LIG3: variants seen among roughly 807,000 people sequenced by gnomAD.
LIG3 encodes ligase II, DNA, ATP-dependent.
A neutral mutation model predicts 110.9 loss-of-function variants in LIG3; 58 were observed. The observed-to-expected ratio is 0.52, with a 90% CI of 0.42 to 0.65. The LOEUF is 0.65. Among genes scored for constraint, LIG3 ranks in the 30% least tolerant of loss-of-function variants. LIG3 has a pLI of 0.00. For missense variants in LIG3, 1,094 were observed against 1,273.8 expected (o/e 0.86, Z 2.15); for synonymous variants, 422 against 472.8 (o/e 0.89, Z 1.39).
intron 16 of LIG3, among the ~76,000 whole-genome samples, chr17:35,000,919 T>G (rs1006285124): frequency 6.6e-6 from 1 of 151,558 alleles, no homozygotes; most frequent in Admixed American, 6.6e-5. Flanking sequence ...TGGCCAATAC[T>G]TGCTTCTCCC....
At chr17:34,996,711 G>T (rs995975230) in intron 11 of LIG3, 58 bp downstream of exon 11, 84 of 1,433,674 alleles carry the variant, frequency 5.9e-5, no homozygotes, top group Non-Finnish European at 6.9e-6. Flanking sequence ...TTCATTTCCT[G>T]GGTGAGGAAG....
chr17:34,999,465 G>C lies in LIG3; in HGVS notation c.2256+16G>C. ...GATCAGCAAGGTGAGGAAGGGACCT[G>C]GTTGGCCATGGCCTCTGGACTGGCC... is the stretch of plus-strand genomic sequence containing the variant. On this transcript the variant is annotated intron_variant, in intron 15 of 19. Transcript: ENST00000378526. The C allele has an allele frequency of 6.2e-7, 1 of 1,612,144 alleles. No individual in the cohort carries two copies. Among genetic ancestry groups the C allele is most frequent in the South Asian group, 1.1e-5 (1 of 90,746 alleles).
At chr17:34,996,282 G>C in intron 10 of LIG3, 87 bp downstream of exon 10, 1 of 1,419,448 alleles carries the variant, frequency 7.0e-7, no homozygotes, top group Non-Finnish European at 9.7e-7. Context: ...GAAAAGGGAG[G>C]AAATATCCCT....
chr17:34,998,885 C>A, intron 14 of LIG3, 158 bp downstream of exon 14: 2 of 784,420 alleles, frequency 2.5e-6, no homozygotes, highest in Non-Finnish European at 3.9e-6. Context: ...TCACCTCAGG[C>A]AGAGCTGCTT....
rs776731503 is a variant in LIG3 at position 34,983,522 on chromosome 17, G to A, written c.517G>A (p.Glu173Lys). Residue 173 changes from glutamate to lysine, a missense_variant, in exon 2 of 20, where the codon GAG becomes AAG. Glu to Lys is a moderately conservative substitution (Grantham distance 56). Transcript: ENST00000378526. Reference protein sequence around the residue: ...LEGWEELEDNEKEQITQHIAD... With the variant: ...LEGWEELEDNKKEQITQHIAD... ...AGGCTGGGAAGAGCTGGAAGATAAT[G>A]AGAAGGAACAGATAACCCAGCACAT... The A allele has an allele frequency of 6.2e-7, 1 of 1,613,736 alleles. No individual in the cohort carries two copies. Among genetic ancestry groups the A allele is most frequent in the Non-Finnish European group, 8.5e-7 (1 of 1,179,914 alleles).
chr17:34,990,455 T>C (rs1301745862), intron 4 of LIG3, among the ~76,000 whole-genome samples: 1 of 152,232 alleles, frequency 6.6e-6, no homozygotes, highest in Non-Finnish European at 1.5e-5. Flanking sequence ...AATTTTTGTA[T>C]TTTTTGTAGA....
chr17:34,999,239 G>A (rs998303644), intron 14 of LIG3, 68 bp from the exon 15 acceptor site: 1 of 1,545,484 alleles, frequency 6.5e-7, no homozygotes. Flanking sequence ...CCTCTCCCTG[G>A]CCCTGGGCTC....
At position 35,007,628 on chromosome 17, in the gene LIG3, C is replaced by A. The variant is rs1354592345; in HGVS notation, c.*3122C>A. Reference sequence around the variant, plus strand: ...CAGATGGACACATAATCTTGTTCTCCCAGGGGCTGCATTCTCAGTAGTCTT... The same window carrying A: ...CAGATGGACACATAATCTTGTTCTCACAGGGGCTGCATTCTCAGTAGTCTT... On this transcript the variant is annotated 3_prime_UTR_variant, in exon 20 of 20. Coordinates refer to ENST00000378526, the MANE Select transcript of LIG3 (RefSeq NM_013975.4). 6.6e-6 allele frequency: 1 copy of A among 152,274 alleles called. No homozygotes were observed. The highest frequency in any genetic ancestry group is 1.5e-5 in the Non-Finnish European group (1 of 68,114). The allele number at this position is 152,274 out of a possible 1,614,324, so 9.4% of individuals were successfully genotyped here.
chr17:34,997,630 A>G (rs1050447773), intron 11 of LIG3, 108 bp from the exon 12 acceptor site: 8 of 808,966 alleles, frequency 9.9e-6, no homozygotes, highest in African/African-American at 1.7e-5. Flanking sequence ...ATCCATGGCA[A>G]ACCCTTTCTT....
chr17:34,995,165 G>T (rs558111222), intron 9 of LIG3, among the ~76,000 whole-genome samples: 1 of 152,290 alleles, frequency 6.6e-6, no homozygotes, highest in African/African-American at 2.4e-5. Context: ...GCCTCAGGGG[G>T]TTCAGGGGAA....
At chr17:34,988,873 ATCTTTAAGGCT>A (rs759291496) in intron 3 of LIG3, among the ~76,000 whole-genome samples, 15 of 152,172 alleles carry the variant, frequency 9.9e-5, no homozygotes, top group Non-Finnish European at 2.1e-4. Flanking sequence ...GAACTAGATA[ATCTTTAAGGCT>A]TCTTCCAGCT....
At chr17:35,003,241 G>A (rs926882716) in intron 19 of LIG3, 67 of 1,278,128 alleles carry the variant, frequency 5.2e-5, no homozygotes, top group African/African-American at 1.0e-4. Flanking sequence ...CCTCCCACCT[G>A]AGGAGCCTTT....
In LIG3 at chr17:34,996,328, C is replaced by G. The variant is rs1342075354; in HGVS notation, c.1743+133C>G. ...CTTATTCTTCGCTTCTGACCTGTTT[C>G]TGGTTTGGATTTTTGTCTTTTGTTT... is the stretch of plus-strand genomic sequence containing the variant. On this transcript the variant is annotated intron_variant, in intron 10 of 19. Coordinates refer to ENST00000378526, the MANE Select transcript of LIG3 (RefSeq NM_013975.4). 12 of 1,157,884 alleles carry G rather than the reference C, an allele frequency of 1.0e-5. No homozygotes were observed. In the Admixed American group the frequency reaches 2.4e-4, roughly 23 times the overall value. 71.7% of individuals were successfully genotyped at this position (1,157,884 alleles called of 1,614,324 possible). A position where few individuals can be genotyped will look rare whatever the true frequency, so the allele number is the denominator to read the frequency against.
Position 34,992,164 on chromosome 17 carries a change from C to A in LIG3, c.1286+129C>A. ...TTCCACCTTCTTACTTTCTGTGAGA[C>A]CCTGATCTGTCACTTGACCTGTCTC... On this transcript the variant is annotated intron_variant, in intron 7 of 19. Transcript: ENST00000378526. 3 of 796,088 alleles carry A rather than the reference C, an allele frequency of 3.8e-6. 1 individual carries two copies. In the South Asian group the frequency reaches 4.6e-5, roughly 12 times the overall value. The allele number at this position is 796,088 out of a possible 1,614,324, so 49.3% of individuals were successfully genotyped here.
At chr17:34,992,887 A>G (rs1189710857) in intron 8 of LIG3, among the ~76,000 whole-genome samples, 195 bp downstream of exon 8, 1 of 152,154 alleles carries the variant, frequency 6.6e-6, no homozygotes, top group Non-Finnish European at 1.5e-5. Flanking sequence ...ATCTAGTGGA[A>G]AGACCTGAGT....
At chr17:35,002,471 T>C (rs192346216) in intron 18 of LIG3, among the ~76,000 whole-genome samples, 197 bp from the exon 19 acceptor site, 1 of 152,288 alleles carries the variant, frequency 6.6e-6, no homozygotes, top group East Asian at 1.9e-4. Flanking sequence ...GGGAGCATTA[T>C]CAGCAATCCC....
In LIG3 at chr17:34,992,420, C is replaced by G; in HGVS notation, c.1287-104C>G. Reference sequence around the variant, plus strand: ...TTTAGACAATAGAACACAACCCCTTCCCTACAGATGAGGATTTCTTCTGTG... The same window carrying G: ...TTTAGACAATAGAACACAACCCCTTGCCTACAGATGAGGATTTCTTCTGTG... On this transcript the variant is annotated intron_variant, in intron 7 of 19. Transcript: ENST00000378526. 2.4e-6 allele frequency: 3 copies of G among 1,238,760 alleles called. No individual in the cohort carries two copies. In the South Asian group the frequency reaches 4.4e-5, roughly 18 times the overall value. 76.7% of individuals were successfully genotyped at this position (1,238,760 alleles called of 1,614,324 possible).
At chr17:34,983,616 A>C in intron 2 of LIG3, 64 bp downstream of exon 2, 2 of 1,429,098 alleles carry the variant, frequency 1.4e-6, no homozygotes, top group Non-Finnish European at 1.9e-6. Context: ...TAAGGAGTTC[A>C]ACTGCTTTCT....
At chr17:35,000,062 A>G (rs2090823467) in intron 16 of LIG3, among the ~76,000 whole-genome samples, 2 of 152,230 alleles carry the variant, frequency 1.3e-5, no homozygotes, top group African/African-American at 2.4e-5. Context: ...GCTTTAAAAA[A>G]AGAGAGAGAA....
Sources: allele counts gnomAD v4.1 joint callset (sites outside exome capture counted in the v4.1 genomes callset), GRCh38; gene constraint gnomAD v4.1.1; transcripts MANE v1.5; gene names NCBI Gene and HGNC (gene_info 2026-07-23, HGNC 2026-07-21).